COL20A1: variants seen among roughly 807,000 people sequenced by gnomAD.
COL20A1 encodes collagen alpha-1(XX) chain.
A neutral mutation model predicts 152.9 loss-of-function variants in COL20A1; 164 were observed. The ratio of observed to expected loss-of-function variants is 1.07; its 90% CI spans 0.94 to 1.22. The LOEUF is 1.22. Ranked by LOEUF, COL20A1 falls within the 50% of genes most tolerant of loss-of-function variation. The pLI is 0.00. For synonymous variants in COL20A1, 864 were observed against 756.0 expected (o/e 1.14, Z -2.34); for missense variants, 1,873 against 1,744.8 (o/e 1.07, Z -1.31).
rs898301235 is a variant in COL20A1, at chr20:63,334,296, G to A, written c.*3580G>A. The A allele has an allele frequency of 6.6e-6, 1 of 152,240 alleles. No individual in the cohort carries two copies. Among genetic ancestry groups the A allele is most frequent in the African/African-American group, 2.4e-5 (1 of 41,444 alleles). The allele number at this position is 152,240 out of a possible 1,614,324, so 9.4% of individuals were successfully genotyped here. A position where few individuals can be genotyped will look rare whatever the true frequency, so the allele number is the denominator to read the frequency against. ...TAATTCATGGGTTAAAGAGAAAAAAGGAAACGTGAAGATACTTGTAACCAA... is the reference window on the plus strand; with the variant it reads ...TAATTCATGGGTTAAAGAGAAAAAAAGAAACGTGAAGATACTTGTAACCAA... On this transcript the variant is annotated 3_prime_UTR_variant, in exon 36 of 36. Coordinates refer to ENST00000358894, the MANE Select transcript of COL20A1 (RefSeq NM_020882.4).
In COL20A1 at chr20:63,306,678, G is replaced by T. The variant is rs188017290; in HGVS notation, c.496+639G>T. 2.6e-3 allele frequency among the ~76,000 whole-genome samples: 394 copies of T among 152,336 alleles called. 3 individuals carry two copies. Among genetic ancestry groups the T allele is most frequent in the African/African-American group, 8.5e-3 (352 of 41,580 alleles). On this transcript the variant is annotated intron_variant, in intron 5 of 35. Coordinates refer to ENST00000358894, the MANE Select transcript of COL20A1 (RefSeq NM_020882.4). The surrounding 1 kb of genome is among the most constrained non-coding windows in gnomAD (Gnocchi z 6.9). ...GGCACAGACGGGGGCAGTGCACTGT[G>T]TCTGCCCATAAGGCCCCCGTAGGCA...
At chr20:63,296,774 C>A (rs2067799187) in intron 2 of COL20A1, among the ~76,000 whole-genome samples, 1 of 152,192 alleles carries the variant, frequency 6.6e-6, no homozygotes, top group South Asian at 2.1e-4. Context: ...CCTTTCAGCC[C>A]CATCCGGAGA....
At chr20:63,309,732 GC>G (rs1235781074) in intron 9 of COL20A1, 25 bp from the exon 10 acceptor site, 4 of 1,529,244 alleles carry the variant, frequency 2.6e-6, no homozygotes, top group Non-Finnish European at 3.5e-6. Flanking sequence ...GTGACCACCT[GC>G]CCCCCACTCC....
chr20:63,319,864 C>T lies in COL20A1; in HGVS notation c.2917-175C>T, dbSNP rs536196165. 4.7e-3 allele frequency among the ~76,000 whole-genome samples: 719 copies of T among 152,224 alleles called. 2 individuals carry two copies. The highest frequency in any genetic ancestry group is 8.3e-3 in the Non-Finnish European group (561 of 67,962). ...TTGGTCCATTTTACAGAGGGGAAGC[C>T]GAGGCCCAGCAAGGGGGGGTTCTCC... On this transcript the variant is annotated intron_variant, in intron 23 of 35. Transcript: ENST00000358894. The surrounding 1 kb of genome is among the most constrained non-coding windows in gnomAD (Gnocchi z 4.4).
intron 20 of COL20A1, 108 bp from the exon 21 acceptor site, chr20:63,316,445 C>G (rs576175901): frequency 2.5e-6 from 2 of 789,428 alleles, no homozygotes; most frequent in East Asian, 3.1e-5. Context: ...TCCCTCCCAC[C>G]GCACTGCAGC....
rs1044080838 is a variant in COL20A1, at chr20:63,315,527, G to C, written c.2524+88G>C. The C allele has an allele frequency of 6.6e-6, 8 of 1,218,072 alleles. No homozygotes were observed. In the Admixed American group the frequency reaches 9.3e-5, roughly 14 times the overall value. The allele number at this position is 1,218,072 out of a possible 1,614,324, so 75.5% of individuals were successfully genotyped here. ...GGGGGCCAAGGGTGTCGTGACCTGGGACCCAGTGGTGGTGCAGTTGGAGGA... is the reference window on the plus strand; with the variant it reads ...GGGGGCCAAGGGTGTCGTGACCTGGCACCCAGTGGTGGTGCAGTTGGAGGA... On this transcript the variant is annotated intron_variant, in intron 20 of 35. Transcript: ENST00000358894.
chr20:63,317,413 A>G (rs1432094486), intron 21 of COL20A1, among the ~76,000 whole-genome samples: 1 of 150,866 alleles, frequency 6.6e-6, no homozygotes, highest in Non-Finnish European at 1.5e-5. Context: ...GCAGTGAGCC[A>G]GGATTGTGCC....
intron 27 of COL20A1, among the ~76,000 whole-genome samples, chr20:63,323,295 T>C (rs1387174036): frequency 2.6e-5 from 4 of 152,272 alleles, no homozygotes; most frequent in African/African-American, 9.6e-5. Flanking sequence ...GCGTTTGGCA[T>C]TTTCTTGTCT....
chr20:63,314,584 C>T (rs1049363481), intron 19 of COL20A1, among the ~76,000 whole-genome samples: 3 of 152,174 alleles, frequency 2.0e-5, no homozygotes, highest in Non-Finnish European at 4.4e-5. Flanking sequence ...CCAGTCTTGG[C>T]TTGCACGCCC....
In COL20A1 at chr20:63,325,751, C is replaced by T. The variant is rs1051968700; in HGVS notation, c.3402+30C>T. The stretch of plus-strand genomic sequence containing the variant: ...CGGCTCTGGGCTTGGAGGGTTCTGT[C>T]AGGGTGGTAGAGACTGGCCTGGGGA... On this transcript the variant is annotated intron_variant, in intron 29 of 35. Transcript: ENST00000358894. The T allele has an allele frequency of 3.1e-6, 5 of 1,603,550 alleles. No individual in the cohort carries two copies. The African/African-American group carries it at 4.0e-5, about 13-fold the overall frequency.
rs908425942 is a variant in COL20A1, at chr20:63,331,774, G to A, written c.*1058G>A. 2 of 152,214 alleles carry A rather than the reference G, an allele frequency of 1.3e-5. No individual in the cohort carries two copies. Among genetic ancestry groups the A allele is most frequent in the African/African-American group, 2.4e-5 (1 of 41,422 alleles). The allele number at this position is 152,214 out of a possible 1,614,324, so 9.4% of individuals were successfully genotyped here. ...ATGAAGAGGGAAGCCATATCATTGA[G>A]GAGAGAATGAAAAGTATTAAAAAGG... On this transcript the variant is annotated 3_prime_UTR_variant, in exon 36 of 36. Coordinates refer to ENST00000358894, the MANE Select transcript of COL20A1 (RefSeq NM_020882.4).
At position 63,319,966 on chromosome 20, in the gene COL20A1, G is replaced by C; in HGVS notation, c.2917-73G>C. On this transcript the variant is annotated intron_variant, in intron 23 of 35. Coordinates refer to ENST00000358894, the MANE Select transcript of COL20A1 (RefSeq NM_020882.4). The surrounding 1 kb of genome is among the most constrained non-coding windows in gnomAD (Gnocchi z 4.4). ...GGGATGGGTGTTACTCCCCAGCCCT[G>C]GCCTGGCCTTGGGGGCTCAGGTGGG... 2 of 1,315,596 alleles carry C rather than the reference G, an allele frequency of 1.5e-6. No individual in the cohort carries two copies. Among genetic ancestry groups the C allele is most frequent in the Non-Finnish European group, 1.0e-6 (1 of 1,004,050 alleles). 81.5% of individuals were successfully genotyped at this position (1,315,596 alleles called of 1,614,324 possible). A position where few individuals can be genotyped will look rare whatever the true frequency, so the allele number is the denominator to read the frequency against.
chr20:63,316,073 G>A (rs1018106758), intron 20 of COL20A1, among the ~76,000 whole-genome samples: 1 of 152,200 alleles, frequency 6.6e-6, no homozygotes, highest in Non-Finnish European at 1.5e-5. Context: ...GGTGGATGGA[G>A]CGAGCTGGCC....
At chr20:63,299,876 A>G (rs548585805) in intron 3 of COL20A1, among the ~76,000 whole-genome samples, 91 of 151,556 alleles carry the variant, frequency 6.0e-4, no homozygotes, top group African/African-American at 2.1e-3. Flanking sequence ...CGTTGTGTGT[A>G]TATATATATG....
At chr20:63,308,116 C>G in intron 7 of COL20A1, 26 bp downstream of exon 7, 1 of 1,610,684 alleles carries the variant, frequency 6.2e-7, no homozygotes, top group Non-Finnish European at 8.5e-7. Context: ...GCCCCTCCCT[C>G]TGTCCTGAGG....
At chr20:63,297,705 C>T (rs1042916450) in intron 2 of COL20A1, among the ~76,000 whole-genome samples, 1 of 152,240 alleles carries the variant, frequency 6.6e-6, no homozygotes, top group South Asian at 2.1e-4. Flanking sequence ...GCCGGGTTCT[C>T]CTCAGCGCCC....
intron 20 of COL20A1, among the ~76,000 whole-genome samples, chr20:63,316,154 G>A (rs927412136): frequency 8.5e-5 from 13 of 152,126 alleles, no homozygotes; most frequent in East Asian, 1.9e-4. Context: ...CTGGGCGGGC[G>A]GGGGACGCGG....
At chr20:63,321,127 G>A in intron 26 of COL20A1, 28 bp downstream of exon 26, 2 of 1,512,102 alleles carry the variant, frequency 1.3e-6, no homozygotes, top group East Asian at 2.4e-5. Context: ...TCCTTGGGGT[G>A]ACCAGGGAAC....
chr20:63,327,632 G>C, intron 31 of COL20A1: 1 of 386,748 alleles, frequency 2.6e-6, no homozygotes, highest in Non-Finnish European at 4.8e-6. Flanking sequence ...GGGCCCGGGA[G>C]GGGTCTGTTC....
Sources: allele counts gnomAD v4.1 joint callset (sites outside exome capture counted in the v4.1 genomes callset), GRCh38; gene constraint gnomAD v4.1.1; non-coding constraint Gnocchi (gnomAD v3.1); transcripts MANE v1.5; gene names NCBI Gene and HGNC (gene_info 2026-07-23, HGNC 2026-07-21).